Variants in SUGCT observed in about 807,000 individuals in gnomAD.
The protein encoded by SUGCT is succinyl-CoA:glutarate CoA-transferase.
In SUGCT, 41 loss-of-function variants were observed where a neutral mutation model predicts 55.0. The ratio of observed to expected loss-of-function variants is 0.74; its 90% CI spans 0.58 to 0.97. The LOEUF is 0.97. SUGCT is among the 50% of genes least tolerant of loss of function. The pLI is 0.00. For synonymous variants in SUGCT, 187 were observed against 200.4 expected (o/e 0.93, Z 0.56); for missense variants, 568 against 547.8 (o/e 1.04, Z -0.37).
chr7:40,928,746 C>T, the SUGCT span, among the ~76,000 whole-genome samples: 14 of 151,874 alleles, frequency 9.2e-5, no homozygotes, highest in East Asian at 3.9e-4. Flanking sequence ...ACTACAGGCA[C>T]GCACCACCAT....
the SUGCT span, among the ~76,000 whole-genome samples, chr7:41,031,381 A>G: frequency 6.6e-6 from 1 of 152,018 alleles, no homozygotes; most frequent in Non-Finnish European, 1.5e-5. Flanking sequence ...GGACTGAGAA[A>G]GAAAATTATC....
At chr7:40,942,169 G>A in the SUGCT span, among the ~76,000 whole-genome samples, 1 of 152,064 alleles carries the variant, frequency 6.6e-6, no homozygotes. Context: ...TGAGTTTTAT[G>A]CTTTCAAGAG....
chr7:40,233,363 G>A (rs895709599), intron 6 of SUGCT, among the ~76,000 whole-genome samples: 7 of 152,066 alleles, frequency 4.6e-5, no homozygotes, highest in Admixed American at 6.6e-5. Flanking sequence ...GGGATTACAG[G>A]CATGCGCCAC....
the SUGCT span, among the ~76,000 whole-genome samples, chr7:40,898,614 C>CG: frequency 6.6e-6 from 1 of 151,360 alleles, no homozygotes; most frequent in Non-Finnish European, 1.5e-5. Flanking sequence ...GTCCTAGCTA[C>CG]GGGGGAAGCT....
the SUGCT span, among the ~76,000 whole-genome samples, chr7:40,990,381 C>T: frequency 2.0e-4 from 30 of 152,322 alleles, no homozygotes; most frequent in Admixed American, 1.0e-3. Flanking sequence ...GTTTCAACAG[C>T]GGTCTTAAAA....
chr7:40,636,314 A>G (rs1257738304), intron 12 of SUGCT, among the ~76,000 whole-genome samples: 1 of 151,846 alleles, frequency 6.6e-6, no homozygotes, highest in African/African-American at 2.4e-5. Context: ...AACCCCCTTG[A>G]CCTCTACATG....
At chr7:40,804,440 A>C (rs1790982657) in intron 13 of SUGCT, among the ~76,000 whole-genome samples, 1 of 152,122 alleles carries the variant, frequency 6.6e-6, no homozygotes, top group African/African-American at 2.4e-5. Flanking sequence ...AGATAATATG[A>C]GCTTTAAGAG....
chr7:40,853,749 T>C (rs1793978157), intron 13 of SUGCT, among the ~76,000 whole-genome samples: 1 of 152,222 alleles, frequency 6.6e-6, no homozygotes, highest in Admixed American at 6.5e-5. Flanking sequence ...CTCAGTTTTC[T>C]GATCTGTAAA....
chr7:40,514,505 TCAAGACCAACCTGAC>T (rs1477628769), intron 12 of SUGCT, among the ~76,000 whole-genome samples: 2 of 151,932 alleles, frequency 1.3e-5, no homozygotes, highest in African/African-American at 4.8e-5. Flanking sequence ...GGTCAGGAGT[TCAAGACCAACCTGAC>T]CAACATGGTG....
At chr7:40,408,211 CTATT>C (rs1786486235) in intron 9 of SUGCT, among the ~76,000 whole-genome samples, 1 of 152,062 alleles carries the variant, frequency 6.6e-6, no homozygotes, top group South Asian at 2.1e-4. Context: ...TGTGCATATT[CTATT>C]TATCATATAT....
intron 12 of SUGCT, among the ~76,000 whole-genome samples, chr7:40,658,246 T>G (rs1801124785): frequency 6.6e-6 from 1 of 152,206 alleles, no homozygotes. Context: ...ACCTCGTTAT[T>G]GAGGAGTCTC....
intron 12 of SUGCT, among the ~76,000 whole-genome samples, chr7:40,560,436 C>A (rs1795777699): frequency 6.6e-6 from 1 of 152,294 alleles, no homozygotes; most frequent in South Asian, 2.1e-4. Flanking sequence ...AAACTAGTTT[C>A]TCATTGTTAC....
intron 9 of SUGCT, among the ~76,000 whole-genome samples, chr7:40,336,176 C>T (rs529824092): frequency 4.6e-5 from 7 of 152,218 alleles, no homozygotes; most frequent in East Asian, 3.9e-4. Context: ...ATTTTTGCAT[C>T]GATGTTCCTC....
At chr7:40,485,906 C>T (rs758407960) in intron 11 of SUGCT, among the ~76,000 whole-genome samples, 47 of 152,238 alleles carry the variant, frequency 3.1e-4, no homozygotes, top group Non-Finnish European at 4.3e-4. Flanking sequence ...TGCTGTTGAA[C>T]TCCATTTGCT....
intron 12 of SUGCT, among the ~76,000 whole-genome samples, chr7:40,606,745 C>T (rs1017776636): frequency 2.6e-5 from 4 of 152,022 alleles, no homozygotes; most frequent in Non-Finnish European, 4.4e-5. Flanking sequence ...TGTCAACCAA[C>T]GTAAGCTTTT....
In SUGCT at chr7:40,404,654, C is replaced by T. The variant is rs371567095; in HGVS notation, c.817-44633C>T. 5.7e-4 allele frequency among the ~76,000 whole-genome samples: 87 copies of T among 152,252 alleles called. 1 individual carries two copies. The South Asian group carries it at 0.015, about 26-fold the overall frequency. The stretch of plus-strand genomic sequence containing the variant: ...GTTTTACCATGTTGGCCAGGCTGGT[C>T]TCGAACCCCTGACCTCAAGTGATCT... On this transcript the variant is annotated intron_variant, in intron 9 of 13. Coordinates refer to ENST00000335693, the MANE Select transcript of SUGCT (RefSeq NM_001193313.2).
chr7:40,247,405 A>G (rs1360884358), intron 7 of SUGCT, among the ~76,000 whole-genome samples: 1 of 151,896 alleles, frequency 6.6e-6, no homozygotes, highest in Admixed American at 6.6e-5. Flanking sequence ...ACAGGCACCC[A>G]CCACCATGAC....
At chr7:40,881,087 A>G in the SUGCT span, among the ~76,000 whole-genome samples, 7 of 152,194 alleles carry the variant, frequency 4.6e-5, no homozygotes, top group Non-Finnish European at 1.0e-4. Context: ...CTCATCCTCC[A>G]CTATGAGATT....
the SUGCT span, among the ~76,000 whole-genome samples, chr7:40,960,873 G>A: frequency 6.6e-6 from 1 of 152,162 alleles, no homozygotes; most frequent in African/African-American, 2.4e-5. Context: ...ATGTATATGT[G>A]TATTAATGCA....
Sources: gnomAD v4.1 joint callset for allele counts (sites outside exome capture counted in the v4.1 genomes callset) on GRCh38, gnomAD v4.1.1 for gene constraint, MANE v1.5 for transcripts, NCBI Gene and HGNC (gene_info 2026-07-23, HGNC 2026-07-21) for gene names.